The following CSRNP3 variants were observed in gnomAD, a reference collection of about 807,000 sequenced individuals.
The protein encoded by CSRNP3 is cysteine and serine rich nuclear protein 3.
In CSRNP3, 12 loss-of-function variants were observed where a neutral mutation model predicts 48.0. The observed-to-expected ratio is 0.25, with a 90% CI of 0.16 to 0.41. The LOEUF (loss-of-function observed/expected upper bound fraction) is 0.41. CSRNP3 is among the 10% of genes least tolerant of loss of function. The pLI, the probability that CSRNP3 is intolerant of heterozygous loss-of-function variation, is 1.00. For synonymous variants in CSRNP3, 263 were observed against 269.7 expected, an observed-to-expected ratio of 0.98 and a Z score of 0.24; for missense variants, 580 against 724.4, an observed-to-expected ratio of 0.80 and a Z score of 2.29.
chr2:165,674,681 A>AAT (rs59117817), intron 5 of CSRNP3, among the ~76,000 whole-genome samples: 21,058 of 102,600 alleles, frequency 0.21, 1,927 homozygotes, highest in Non-Finnish European at 0.24. Flanking sequence ...AATACTTCTG[A>AAT]ATATATATAT....
chr2:165,601,699 C>T (rs1341257448), intron 4 of CSRNP3, among the ~76,000 whole-genome samples: 1 of 152,008 alleles, frequency 6.6e-6, no homozygotes, highest in East Asian at 1.9e-4. Flanking sequence ...CCCTCCCTCC[C>T]TTTTCTCTCT....
At chr2:165,535,122 T>C (rs1434099889) in intron 3 of CSRNP3, among the ~76,000 whole-genome samples, 1 of 151,816 alleles carries the variant, frequency 6.6e-6, no homozygotes, top group Non-Finnish European at 1.5e-5. Context: ...TTTTGATGTT[T>C]GTTTTCTTAT....
At chr2:165,621,959 G>T (rs1558953197) in intron 4 of CSRNP3, among the ~76,000 whole-genome samples, 1 of 152,032 alleles carries the variant, frequency 6.6e-6, no homozygotes, top group Non-Finnish European at 1.5e-5. Context: ...ATTTTCTTCA[G>T]ATCATTTGAC....
At chr2:165,579,492 T>A (rs1417002257) in intron 3 of CSRNP3, among the ~76,000 whole-genome samples, 1 of 152,214 alleles carries the variant, frequency 6.6e-6, no homozygotes, top group African/African-American at 2.4e-5. Context: ...CTTTATGCAA[T>A]TAAGGCAGTA....
At chr2:165,480,748 A>G (rs1420228660) in intron 1 of CSRNP3, among the ~76,000 whole-genome samples, 2 of 146,216 alleles carry the variant, frequency 1.4e-5, no homozygotes, top group Non-Finnish European at 3.0e-5. Flanking sequence ...ATGCACAAGT[A>G]TATATATTTT....
intron 4 of CSRNP3, among the ~76,000 whole-genome samples, chr2:165,622,054 A>G (rs925149873): frequency 6.6e-6 from 1 of 152,206 alleles, no homozygotes; most frequent in African/African-American, 2.4e-5. Context: ...TCTCCTTTCT[A>G]AAAGGCATCT....
chr2:165,560,633 C>T (rs1685222472), intron 3 of CSRNP3, among the ~76,000 whole-genome samples: 1 of 152,134 alleles, frequency 6.6e-6, no homozygotes, highest in African/African-American at 2.4e-5. Flanking sequence ...AGCATAACTG[C>T]AGTTTTGTAG....
chr2:165,471,626 G>A (rs1308201167), intron 1 of CSRNP3, among the ~76,000 whole-genome samples: 1 of 151,938 alleles, frequency 6.6e-6, no homozygotes, highest in Non-Finnish European at 1.5e-5. Flanking sequence ...AATCACTAAG[G>A]GAGAGGACTG....
intron 4 of CSRNP3, among the ~76,000 whole-genome samples, chr2:165,637,468 T>C (rs941203913): frequency 6.6e-6 from 1 of 152,162 alleles, no homozygotes; most frequent in African/African-American, 2.4e-5. Flanking sequence ...GGCTCAGAAT[T>C]AGGTGGTATT....
intron 3 of CSRNP3, among the ~76,000 whole-genome samples, chr2:165,573,845 TA>T (rs113207311): frequency 4.0e-5 from 6 of 151,290 alleles, no homozygotes; most frequent in African/African-American, 1.5e-4. Flanking sequence ...TATTTGAATT[TA>T]AAAAAAAAGC....
rs563782816 is a variant in CSRNP3, at chr2:165,682,609, T to G, written c.*2856T>G. 7.8e-4 allele frequency: 119 copies of G among 152,294 alleles called. No individual in the cohort carries two copies. Among genetic ancestry groups the G allele is most frequent in the African/African-American group, 2.8e-3 (115 of 41,578 alleles). 9.4% of individuals were successfully genotyped at this position (152,294 alleles called of 1,614,324 possible). A position where few individuals can be genotyped will look rare whatever the true frequency, so the allele number is the denominator to read the frequency against. ...GAGGATAATTGGTAGAGCTGTAGTT[T>G]GAAAATATCAGGTCAAAGTTGCAAA... On this transcript the variant is annotated 3_prime_UTR_variant, in exon 7 of 7. Transcript: ENST00000651982.
intron 1 of CSRNP3, among the ~76,000 whole-genome samples, chr2:165,475,655 T>C (rs1176178384): frequency 6.6e-6 from 1 of 152,222 alleles, no homozygotes; most frequent in African/African-American, 2.4e-5. Context: ...AAGCAAATTG[T>C]CTTGTCAGAT....
At chr2:165,604,358 C>T (rs1275798577) in intron 4 of CSRNP3, among the ~76,000 whole-genome samples, 1 of 152,140 alleles carries the variant, frequency 6.6e-6, no homozygotes, top group Non-Finnish European at 1.5e-5. Context: ...TTTGTAAAGT[C>T]TTGTCTTCTT....
At chr2:165,594,607 C>T (rs1685778478) in intron 3 of CSRNP3, among the ~76,000 whole-genome samples, 1 of 152,158 alleles carries the variant, frequency 6.6e-6, no homozygotes, top group South Asian at 2.1e-4. Context: ...TTGTGCTCAG[C>T]TAATTGGGTT....
chr2:165,641,817 G>A (rs1244074569), intron 4 of CSRNP3, among the ~76,000 whole-genome samples: 1 of 152,132 alleles, frequency 6.6e-6, no homozygotes, highest in African/African-American at 2.4e-5. Context: ...GCTCTTTAAA[G>A]GTAAAAGAAG....
intron 4 of CSRNP3, among the ~76,000 whole-genome samples, chr2:165,648,969 G>A (rs1686860039): frequency 6.6e-6 from 1 of 152,154 alleles, no homozygotes; most frequent in African/African-American, 2.4e-5. Context: ...AGCCTGGGCT[G>A]TGCCTGTCAA....
chr2:165,487,856 G>A (rs1684143782), intron 1 of CSRNP3, among the ~76,000 whole-genome samples: 1 of 144,798 alleles, frequency 6.9e-6, no homozygotes, highest in Non-Finnish European at 1.5e-5. Flanking sequence ...AAAATGTAAA[G>A]AACATCGAGA....
intron 3 of CSRNP3, among the ~76,000 whole-genome samples, chr2:165,530,193 C>G (rs532054432): frequency 5.9e-5 from 9 of 152,172 alleles, no homozygotes; most frequent in African/African-American, 2.2e-4. Flanking sequence ...CTCAGAACTA[C>G]AAAAGTCCTT....
intron 5 of CSRNP3, among the ~76,000 whole-genome samples, chr2:165,671,851 C>T (rs1254149065): frequency 6.6e-6 from 1 of 152,118 alleles, no homozygotes; most frequent in Non-Finnish European, 1.5e-5. Context: ...AAATTTCTTC[C>T]ACTAGATAAC....
Sources: gnomAD v4.1 joint callset for allele counts (sites outside exome capture counted in the v4.1 genomes callset) on GRCh38, gnomAD v4.1.1 for gene constraint, MANE v1.5 for transcripts, NCBI Gene and HGNC (gene_info 2026-07-23, HGNC 2026-07-21) for gene names.